MAP3K13: variants seen among roughly 807,000 people sequenced by gnomAD.
The protein encoded by MAP3K13 is mitogen-activated protein kinase kinase kinase 13.
In MAP3K13, 52 loss-of-function variants were observed where a neutral mutation model predicts 104.0. That is an observed-to-expected ratio of 0.50 (90% CI 0.40 to 0.63). The LOEUF (loss-of-function observed/expected upper bound fraction) is 0.63, where lower values mean the gene tolerates loss of function less well. Ranked by LOEUF, MAP3K13 falls within the 20% of genes least tolerant of loss-of-function variation. The probability of loss-of-function intolerance (pLI) is 0.00; values close to 1 mark genes in which losing one functional copy is unlikely to be tolerated. For synonymous variants in MAP3K13, 394 were observed against 442.2 expected, an observed-to-expected ratio of 0.89 and a Z score of 1.37; for missense variants, 914 against 1,218.5, an observed-to-expected ratio of 0.75 and a Z score of 3.72.
chr3:185,347,788 C>A (rs947360355), intron 2 of MAP3K13, among the ~76,000 whole-genome samples: 3 of 151,990 alleles, frequency 2.0e-5, no homozygotes, highest in Admixed American at 6.6e-5. Flanking sequence ...GCGGGTGGAT[C>A]ACCTGAGGTC....
chr3:185,460,942 C>G (rs1457656873), intron 7 of MAP3K13, among the ~76,000 whole-genome samples: 1 of 152,184 alleles, frequency 6.6e-6, no homozygotes, highest in Non-Finnish European at 1.5e-5. Flanking sequence ...CTCGTCCCTT[C>G]TTGGAGTATT....
chr3:185,320,859 A>G (rs1721829130), intron 2 of MAP3K13, among the ~76,000 whole-genome samples: 1 of 152,126 alleles, frequency 6.6e-6, no homozygotes, highest in Non-Finnish European at 1.5e-5. Context: ...CTGCATTTTC[A>G]TTTTACTGGT....
intron 1 of MAP3K13, among the ~76,000 whole-genome samples, chr3:185,371,893 C>T (rs1724182939): frequency 6.6e-6 from 1 of 152,124 alleles, no homozygotes; most frequent in Non-Finnish European, 1.5e-5. Flanking sequence ...AGGCATTGTG[C>T]CTGCATTTTT....
intron 1 of MAP3K13, among the ~76,000 whole-genome samples, chr3:185,366,771 T>C (rs1419160142): frequency 6.6e-6 from 1 of 152,222 alleles, no homozygotes; most frequent in Non-Finnish European, 1.5e-5. Flanking sequence ...ATTGTCCACA[T>C]TAAAAATTAA....
At chr3:185,455,594 A>ATATATGT (rs1283372307) in intron 7 of MAP3K13, among the ~76,000 whole-genome samples, 8 of 11,704 alleles carry the variant, frequency 6.8e-4, no homozygotes, top group South Asian at 3.5e-3. Context: ...GATATATATG[A>ATATATGT]GATATATATA....
At chr3:185,404,894 T>C (rs1400772594) in intron 1 of MAP3K13, among the ~76,000 whole-genome samples, 12 of 152,228 alleles carry the variant, frequency 7.9e-5, no homozygotes, top group Non-Finnish European at 1.6e-4. Flanking sequence ...ATGCTTGGTT[T>C]AATACTCTGT....
intron 2 of MAP3K13, among the ~76,000 whole-genome samples, chr3:185,333,324 G>A (rs967700582): frequency 5.3e-5 from 8 of 152,014 alleles, no homozygotes; most frequent in Non-Finnish European, 8.8e-5. Context: ...GAATAACATT[G>A]GATTGTTGTA....
At chr3:185,283,638 C>A (rs1425702251) in intron 1 of MAP3K13, among the ~76,000 whole-genome samples, 1 of 152,104 alleles carries the variant, frequency 6.6e-6, no homozygotes, top group Non-Finnish European at 1.5e-5. Context: ...ATACCCAGTA[C>A]ATTGTTGGTT....
At chr3:185,402,898 C>T (rs531138484) in intron 1 of MAP3K13, among the ~76,000 whole-genome samples, 1 of 152,172 alleles carries the variant, frequency 6.6e-6, no homozygotes, top group Non-Finnish European at 1.5e-5. Context: ...TCAATTCCCC[C>T]CTGGCTGAAC....
intron 2 of MAP3K13, among the ~76,000 whole-genome samples, chr3:185,352,215 C>T (rs1222889399): frequency 1.3e-5 from 2 of 152,216 alleles, no homozygotes; most frequent in East Asian, 1.9e-4. Context: ...GAGGCCAAGG[C>T]GGGCAGATCA....
intron 2 of MAP3K13, among the ~76,000 whole-genome samples, chr3:185,298,620 G>T (rs1437977222): frequency 1.3e-5 from 2 of 152,004 alleles, no homozygotes; most frequent in Non-Finnish European, 2.9e-5. Context: ...CCTCATTTTG[G>T]CATTTGATGA....
chr3:185,380,614 T>C (rs1724669369), intron 1 of MAP3K13, among the ~76,000 whole-genome samples: 1 of 152,028 alleles, frequency 6.6e-6, no homozygotes, highest in African/African-American at 2.4e-5. Flanking sequence ...ACAAGCTGGC[T>C]AGGTAATGCT....
At chr3:185,321,216 A>G (rs1038596595) in intron 2 of MAP3K13, among the ~76,000 whole-genome samples, 2 of 151,924 alleles carry the variant, frequency 1.3e-5, no homozygotes, top group Non-Finnish European at 2.9e-5. Context: ...ATGCACACAC[A>G]TATGCGTGCA....
chr3:185,299,562 T>C, intron 2 of MAP3K13, among the ~76,000 whole-genome samples: 1 of 8,294 alleles, frequency 1.2e-4, no homozygotes, highest in Non-Finnish European at 5.6e-4. Flanking sequence ...TCTTTTTTTT[T>C]TTTTTTTTTT....
intron 1 of MAP3K13, among the ~76,000 whole-genome samples, chr3:185,421,061 A>G (rs1339725439): frequency 6.6e-6 from 1 of 152,066 alleles, no homozygotes; most frequent in Non-Finnish European, 1.5e-5. Flanking sequence ...CACTTCCTGC[A>G]CCCTTTGCGG....
chr3:185,456,635 T>C (rs898436391), intron 7 of MAP3K13, among the ~76,000 whole-genome samples: 2 of 139,172 alleles, frequency 1.4e-5, no homozygotes, highest in Non-Finnish European at 3.1e-5. Context: ...AGTCTTGCTC[T>C]GTCTTACCCA....
intron 2 of MAP3K13, among the ~76,000 whole-genome samples, chr3:185,301,787 A>C (rs1316769423): frequency 1.3e-5 from 2 of 152,232 alleles, no homozygotes; most frequent in African/African-American, 4.8e-5. Flanking sequence ...GACCATATAC[A>C]TGAGGGTTCA....
chr3:185,355,460 C>T (rs1723312847), intron 2 of MAP3K13, among the ~76,000 whole-genome samples: 1 of 93,940 alleles, frequency 1.1e-5, no homozygotes. Flanking sequence ...GAGCGAAACT[C>T]TGTCTCAAAA....
intron 2 of MAP3K13, among the ~76,000 whole-genome samples, chr3:185,344,757 G>A (rs1333472195): frequency 6.6e-6 from 1 of 152,124 alleles, no homozygotes; most frequent in African/African-American, 2.4e-5. Flanking sequence ...TTCCCACAGT[G>A]GCTGTTGAAA....
Sources: gnomAD v4.1 joint callset for allele counts (sites outside exome capture counted in the v4.1 genomes callset) on GRCh38, gnomAD v4.1.1 for gene constraint, MANE v1.5 for transcripts, NCBI Gene and HGNC (gene_info 2026-07-23, HGNC 2026-07-21) for gene names.